Variants in ITGB3BP observed in about 807,000 individuals in gnomAD.
The protein encoded by ITGB3BP is integrin subunit beta 3 binding protein.
A neutral mutation model predicts 29.1 loss-of-function variants in ITGB3BP; 27 were observed. The ratio of observed to expected loss-of-function variants is 0.93; its 90% CI spans 0.68 to 1.28. ITGB3BP has a LOEUF of 1.28. Among genes scored for constraint, ITGB3BP ranks in the 50% most tolerant of loss-of-function variants. ITGB3BP has a pLI of 0.00. For missense variants in ITGB3BP, 192 were observed against 200.2 expected, an observed-to-expected ratio of 0.96 and a Z score of 0.25; for synonymous variants, 61 against 61.4, an observed-to-expected ratio of 0.99 and a Z score of 0.03.
At position 63,509,529 on chromosome 1, in the gene ITGB3BP, T is replaced by C. The variant is rs1449133679; in HGVS notation, c.6-959A>G. Among the ~76,000 whole-genome samples the C allele has an allele frequency of 3.3e-5, 5 of 152,116 alleles. No homozygotes were observed. In the South Asian group the frequency reaches 1.0e-3, roughly 32 times the overall value. ...TTGTATTGATCTTAGAAAATGACTA[T>C]TCGTAAGTAACTATTGATTTACAAA... On this transcript the variant is annotated intron_variant, in intron 1 of 8. Transcript: ENST00000271002.
At chr1:63,480,039 A>C (rs1323087606) in intron 3 of ITGB3BP, among the ~76,000 whole-genome samples, 2 of 152,252 alleles carry the variant, frequency 1.3e-5, no homozygotes, top group East Asian at 3.9e-4. Flanking sequence ...ATATTTATTT[A>C]GTAAATCCTT....
intron 3 of ITGB3BP, among the ~76,000 whole-genome samples, chr1:63,487,191 C>T (rs1645547647): frequency 1.3e-5 from 2 of 151,396 alleles, no homozygotes; most frequent in Admixed American, 6.6e-5. Context: ...TTTATATTTA[C>T]AGTCTATAAA....
At chr1:63,502,186 G>T (rs1557646773) in intron 2 of ITGB3BP, among the ~76,000 whole-genome samples, 1 of 152,062 alleles carries the variant, frequency 6.6e-6, no homozygotes, top group Non-Finnish European at 1.5e-5. Flanking sequence ...AATCTACCTA[G>T]GAACAATGCT....
chr1:63,516,142 G>A (rs1646315048), intron 1 of ITGB3BP, among the ~76,000 whole-genome samples: 1 of 151,456 alleles, frequency 6.6e-6, no homozygotes, highest in South Asian at 2.1e-4. Flanking sequence ...AGAAAATTAG[G>A]CCAGGCATGG....
At position 63,454,344 on chromosome 1, in the gene ITGB3BP, TA is replaced by T. The variant is rs1226703210; in HGVS notation, c.427+35del. The T allele has an allele frequency of 9.4e-7, 1 of 1,069,002 alleles. No individual in the cohort carries two copies. The highest frequency in any genetic ancestry group is 1.4e-6 in the Non-Finnish European group (1 of 700,912). 66.2% of individuals were successfully genotyped at this position (1,069,002 alleles called of 1,614,324 possible). A position where few individuals can be genotyped will look rare whatever the true frequency, so the allele number is the denominator to read the frequency against. ...TGAGACAAATTAATAGGTTTATCTT[TA>T]AAATTACTGTCATTGAAAACTCAAA... On this transcript the variant is annotated intron_variant, in intron 6 of 8. Coordinates refer to ENST00000271002, the MANE Select transcript of ITGB3BP (RefSeq NM_014288.5). This position sits in a 1 kb window ranked among gnomAD's most constrained non-coding sequence, Gnocchi z 4.1.
At chr1:63,515,923 A>AT (rs1316237576) in intron 1 of ITGB3BP, among the ~76,000 whole-genome samples, 2 of 151,702 alleles carry the variant, frequency 1.3e-5, no homozygotes, top group African/African-American at 4.8e-5. Flanking sequence ...TCAAAAAGAC[A>AT]AATGTACTTG....
chr1:63,473,163 C>T (rs1423928953), intron 4 of ITGB3BP, among the ~76,000 whole-genome samples: 2 of 151,682 alleles, frequency 1.3e-5, no homozygotes, highest in African/African-American at 2.4e-5. Flanking sequence ...TCTGCTGGGC[C>T]GCAACCCTGT....
chr1:63,446,028 T>C (rs1031643914), intron 8 of ITGB3BP, among the ~76,000 whole-genome samples: 1 of 152,088 alleles, frequency 6.6e-6, no homozygotes, highest in Non-Finnish European at 1.5e-5. Flanking sequence ...CTCAGCCTCC[T>C]GAGTAGCTGG....
chr1:63,461,006 G>A (rs60344071), intron 4 of ITGB3BP, among the ~76,000 whole-genome samples: 1,834 of 151,142 alleles, frequency 0.012, 42 homozygotes, highest in African/African-American at 0.043. Context: ...TTGGGAGGCT[G>A]AGGTGGGCAG....
chr1:63,441,871 T>C lies in ITGB3BP; in HGVS notation c.*2-768A>G, dbSNP rs77992805. Among the ~76,000 whole-genome samples, 645 of 152,266 alleles carry C rather than the reference T, an allele frequency of 4.2e-3. 4 individuals are homozygous for C. Among genetic ancestry groups the C allele is most frequent in the African/African-American group, 0.015 (607 of 41,552 alleles). On this transcript the variant is annotated intron_variant, in intron 8 of 8. Coordinates refer to ENST00000271002, the MANE Select transcript of ITGB3BP (RefSeq NM_014288.5). ...AGAATCCTTCTGTGAGAGAAAGCCC[T>C]TGAAGGAAGCAGCCTTTGGCAACTA...
intron 7 of ITGB3BP, among the ~76,000 whole-genome samples, chr1:63,450,583 T>A (rs1227682053): frequency 2.0e-5 from 3 of 151,988 alleles, no homozygotes. Flanking sequence ...ACATTTCATC[T>A]GTATCAGCCC....
At chr1:63,442,940 T>G (rs185506242) in intron 8 of ITGB3BP, 22 of 152,364 alleles carry the variant, frequency 1.4e-4, no homozygotes, top group African/African-American at 5.3e-4. Flanking sequence ...TGTTTTTCTC[T>G]TCCCATCTTT....
At chr1:63,516,735 GA>G (rs965382739) in intron 1 of ITGB3BP, among the ~76,000 whole-genome samples, 2 of 143,860 alleles carry the variant, frequency 1.4e-5, no homozygotes, top group African/African-American at 5.1e-5. Context: ...AAAGAAAAAA[GA>G]AAAAAAAAGA....
intron 1 of ITGB3BP, among the ~76,000 whole-genome samples, chr1:63,521,979 T>TAGTAC (rs1646459911): frequency 3.9e-5 from 6 of 152,238 alleles, no homozygotes; most frequent in Admixed American, 3.3e-4. Context: ...GGATGATTTT[T>TAGTAC]CTAATGCAAG....
intron 4 of ITGB3BP, among the ~76,000 whole-genome samples, chr1:63,468,250 C>T (rs1273199760): frequency 6.6e-6 from 1 of 152,070 alleles, no homozygotes; most frequent in African/African-American, 2.4e-5. Flanking sequence ...AGGTGCCTAC[C>T]CCTGGACCAA....
chr1:63,494,448 T>C (rs948361866), intron 2 of ITGB3BP, among the ~76,000 whole-genome samples: 14 of 152,188 alleles, frequency 9.2e-5, no homozygotes, highest in African/African-American at 2.4e-4. Flanking sequence ...CTACTACAAT[T>C]ATCAACCTTA....
At chr1:63,482,912 C>A (rs12736896) in intron 3 of ITGB3BP, among the ~76,000 whole-genome samples, 4 of 152,110 alleles carry the variant, frequency 2.6e-5, no homozygotes, top group South Asian at 2.1e-4. Context: ...CCTCAGCCCC[C>A]CAAAGTGCTG....
intron 4 of ITGB3BP, among the ~76,000 whole-genome samples, chr1:63,463,708 G>A (rs1381985525): frequency 6.6e-6 from 1 of 152,160 alleles, no homozygotes; most frequent in African/African-American, 2.4e-5. Flanking sequence ...GGATATGGAA[G>A]TTCACATAAA....
At chr1:63,499,348 T>C (rs981489996) in intron 2 of ITGB3BP, among the ~76,000 whole-genome samples, 4 of 151,882 alleles carry the variant, frequency 2.6e-5, no homozygotes, top group Non-Finnish European at 5.9e-5. Flanking sequence ...AGGGGGTTTC[T>C]CCATGTTGGT....
Sources: allele counts gnomAD v4.1 joint callset (sites outside exome capture counted in the v4.1 genomes callset), GRCh38; gene constraint gnomAD v4.1.1; non-coding constraint Gnocchi (gnomAD v3.1); transcripts MANE v1.5; gene names NCBI Gene and HGNC (gene_info 2026-07-23, HGNC 2026-07-21).